Variants in CFAP47 observed in about 807,000 individuals in gnomAD.
CFAP47 encodes cilia and flagella associated protein 47, also known as cilia- and flagella-associated protein 47.
A neutral mutation model predicts 148.1 loss-of-function variants in CFAP47; 29 were observed. The ratio of observed to expected loss-of-function variants is 0.20; its 90% CI spans 0.15 to 0.27. The LOEUF (loss-of-function observed/expected upper bound fraction) is 0.27, where lower values mean the gene tolerates loss of function less well. CFAP47 is among the 10% of genes least tolerant of loss of function. CFAP47 has a pLI of 1.00. For missense variants in CFAP47, 1,872 were observed against 1,697.5 expected, an observed-to-expected ratio of 1.10 and a Z score of -1.81; for synonymous variants, 664 against 577.3, an observed-to-expected ratio of 1.15 and a Z score of -2.15.
chrX:35,972,898 T>TA (rs1025316180), intron 13 of CFAP47, among the ~76,000 whole-genome samples: 46 of 109,697 alleles, frequency 4.2e-4, no homozygotes, highest in African/African-American at 1.2e-3. Context: ...ATATCTAACT[T>TA]AAAAAAAAAC....
intron 39 of CFAP47, among the ~76,000 whole-genome samples, chrX:36,165,489 T>G (rs1376187345): frequency 8.9e-6 from 1 of 111,859 alleles, no homozygotes; most frequent in African/African-American, 3.2e-5. Flanking sequence ...CACAACGTGT[T>G]ACTCTTATAT....
rs1941760688 is a variant in CFAP47, at chrX:36,353,576, A to G, written c.8746A>G (p.Ile2916Val). Residue 2916 changes from isoleucine (I) to valine (V), a missense_variant, in exon 60 of 64, where the codon ATC (isoleucine) becomes GTC (valine). Ile to Val is a conservative substitution (Grantham distance 29, BLOSUM62 3). Coordinates refer to ENST00000378653, the MANE Select transcript of CFAP47 (RefSeq NM_001304548.2). ...GAAGCGGGCAGAAGAGAAGGTAGAAATCATACTGAATGCTGGTTTTTTCGG... is the reference window on the plus strand; with the variant it reads ...GAAGCGGGCAGAAGAGAAGGTAGAAGTCATACTGAATGCTGGTTTTTTCGG... ...SRKRAEEKVE[I>V]ILNAGFFGFS... The G allele has an allele frequency of 8.6e-7, 1 of 1,163,213 alleles. No homozygotes were observed. The highest frequency in any genetic ancestry group is 1.2e-6 in the Non-Finnish European group (1 of 869,084).
intron 39 of CFAP47, among the ~76,000 whole-genome samples, chrX:36,172,115 A>G (rs1939589619): frequency 9.4e-6 from 1 of 106,489 alleles, no homozygotes; most frequent in Admixed American, 1.0e-4. Flanking sequence ...TCGTTGGTGT[A>G]TAAGAATGCT....
chrX:36,360,847 T>G (rs1941822615), intron 60 of CFAP47, among the ~76,000 whole-genome samples: 1 of 112,144 alleles, frequency 8.9e-6, no homozygotes, highest in Non-Finnish European at 1.9e-5. Context: ...TTTTTGTTAA[T>G]CAAAATATAC....
At chrX:36,242,266 G>A (rs142267513) in intron 48 of CFAP47, among the ~76,000 whole-genome samples, 65 of 112,052 alleles carry the variant, frequency 5.8e-4, no homozygotes, top group African/African-American at 2.0e-3. Flanking sequence ...AAACCAGAGC[G>A]TCTTCTTACC....
At chrX:36,055,456 A>G (rs1300980787) in intron 26 of CFAP47, among the ~76,000 whole-genome samples, 1 of 111,629 alleles carries the variant, frequency 9.0e-6, no homozygotes, top group Non-Finnish European at 1.9e-5. Context: ...TTTGCTGAGC[A>G]TAACGGCTTC....
At chrX:36,085,173 G>A (rs1938057444) in intron 29 of CFAP47, 141 bp from the exon 30 acceptor site, 2 of 385,939 alleles carry the variant, frequency 5.2e-6, no homozygotes, top group South Asian at 4.9e-5. Flanking sequence ...ACAAATGGTA[G>A]CCTAGTGAAG....
chrX:36,183,587 G>A (rs1026740640), intron 40 of CFAP47, among the ~76,000 whole-genome samples: 2 of 111,570 alleles, frequency 1.8e-5, no homozygotes, highest in African/African-American at 6.5e-5. Flanking sequence ...TTGTTAAACT[G>A]GCTTTAAAAT....
chrX:35,924,122 TAC>T (rs1935656227), intron 1 of CFAP47, among the ~76,000 whole-genome samples: 1 of 100,265 alleles, frequency 1.0e-5, no homozygotes, highest in Non-Finnish European at 2.0e-5. Context: ...CATGTATGCG[TAC>T]ATATATGTAT....
At chrX:36,134,205 C>T (rs1018130426) in intron 33 of CFAP47, among the ~76,000 whole-genome samples, 3 of 111,009 alleles carry the variant, frequency 2.7e-5, no homozygotes, top group Non-Finnish European at 3.8e-5. Context: ...ATGCACATGA[C>T]GTTGGAAAAC....
chrX:36,125,074 C>T (rs1258492588), intron 33 of CFAP47, among the ~76,000 whole-genome samples: 1 of 110,979 alleles, frequency 9.0e-6, no homozygotes, highest in Admixed American at 9.7e-5. Context: ...TATTACATAC[C>T]ATATACCGAA....
intron 62 of CFAP47, among the ~76,000 whole-genome samples, chrX:36,372,758 G>T (rs1941984500): frequency 8.9e-6 from 1 of 111,818 alleles, no homozygotes; most frequent in South Asian, 3.7e-4. Context: ...AGATGATAAA[G>T]GTCAAATTTT....
chrX:36,171,433 C>G (rs1410643220), intron 39 of CFAP47, among the ~76,000 whole-genome samples: 1 of 108,638 alleles, frequency 9.2e-6, no homozygotes, highest in Non-Finnish European at 1.9e-5. Flanking sequence ...GGTTTTAGGT[C>G]TAACGTTTAA....
At chrX:35,923,367 A>C (rs190235738) in intron 1 of CFAP47, among the ~76,000 whole-genome samples, 35 of 111,893 alleles carry the variant, frequency 3.1e-4, no homozygotes, top group African/African-American at 1.1e-3. Flanking sequence ...TTATAAATGC[A>C]TAATAGATAT....
chrX:35,984,279 A>G (rs757591321), intron 15 of CFAP47, among the ~76,000 whole-genome samples: 20 of 109,444 alleles, frequency 1.8e-4, no homozygotes, highest in Non-Finnish European at 2.5e-4. Flanking sequence ...TTTTTTTTGT[A>G]TTTCTGTGGG....
chrX:36,029,210 T>C (rs1320167321), intron 22 of CFAP47, among the ~76,000 whole-genome samples: 1 of 111,238 alleles, frequency 9.0e-6, no homozygotes, highest in Non-Finnish European at 1.9e-5. Flanking sequence ...CTTTTGCATG[T>C]CTGTCATATT....
rs1439515451 is a variant in CFAP47 at position 36,160,722 on chromosome X, A to G, written c.5979A>G (p.Glu1993=). Residue 1993 remains glutamate (E), a synonymous_variant, in exon 39 of 64, where the codon GAA becomes GAG. Transcript: ENST00000378653. ...AAAGCCCATGTTATCAATTTCAGGA[A>G]GTCACTGTAAATGTGAAAAACCCCT... The part of the protein sequence containing the change: ...KCESPCYQFQ[E]VTVNVKNPFH... 3 of 294,860 alleles carry G rather than the reference A, an allele frequency of 1.0e-5. No individual in the cohort carries two copies. Among genetic ancestry groups the G allele is most frequent in the Non-Finnish European group, 1.8e-5 (3 of 169,575 alleles). The allele number at this position is 294,860 out of a possible 1,213,427, so 24.3% of individuals were successfully genotyped here.
In CFAP47 at chrX:36,138,075, A is replaced by G. The variant is rs747793697; in HGVS notation, c.5418+20A>G. The G allele has an allele frequency of 3.0e-6, 2 of 657,829 alleles. No individual in the cohort carries two copies. Among genetic ancestry groups the G allele is most frequent in the Admixed American group, 2.8e-5 (1 of 35,723 alleles). 54.2% of individuals were successfully genotyped at this position (657,829 alleles called of 1,213,427 possible). Reference sequence around the variant, plus strand: ...TTCTTGGTAAGAGTCGTTTTTATGCATAATGATCTTCTATTATTTAAAAAA... The same window carrying G: ...TTCTTGGTAAGAGTCGTTTTTATGCGTAATGATCTTCTATTATTTAAAAAA... On this transcript the variant is annotated intron_variant, in intron 34 of 63. Transcript: ENST00000378653.
intron 22 of CFAP47, among the ~76,000 whole-genome samples, chrX:36,027,769 C>T (rs1256658714): frequency 8.9e-6 from 1 of 111,755 alleles, no homozygotes; most frequent in African/African-American, 3.3e-5. Context: ...CTTATATTCC[C>T]ATCAACAGTA....
Sources: allele counts gnomAD v4.1 joint callset (sites outside exome capture counted in the v4.1 genomes callset), GRCh38; gene constraint gnomAD v4.1.1; transcripts MANE v1.5; gene names NCBI Gene and HGNC (gene_info 2026-07-23, HGNC 2026-07-21).